The following DSCAML1 variants were observed in gnomAD, a reference collection of about 807,000 sequenced individuals.
The protein encoded by DSCAML1 is cell adhesion molecule DSCAML1.
DSCAML1 carries 38 observed loss-of-function variants against 200.5 expected under a neutral mutation model. The observed-to-expected ratio is 0.19, with a 90% CI of 0.15 to 0.25. DSCAML1 has a LOEUF of 0.25. Among genes scored for constraint, DSCAML1 ranks in the 10% least tolerant of loss-of-function variants. The pLI, the probability that DSCAML1 is intolerant of heterozygous loss-of-function variation, is 1.00. For missense variants in DSCAML1, 2,223 were observed against 2,858.8 expected (o/e 0.78, Z 5.07); for synonymous variants, 1,215 against 1,165.0 (o/e 1.04, Z -0.87).
Position 117,650,701 on chromosome 11 carries a change from G to GTGTGCGCA in DSCAML1, c.512-118180_512-118179insTGCGCACA, listed in dbSNP as rs1555194676. Reference sequence around the variant, plus strand: ...TGTGTGTGTGTGTGTGTGTGTGTGTGCGTGTGTGTGTGTGGTGGGGATTGG... The same window carrying GTGTGCGCA: ...TGTGTGTGTGTGTGTGTGTGTGTGTGTGTGCGCACGTGTGTGTGTGTGGTGGGGATTGG... On this transcript the variant is annotated intron_variant, in intron 3 of 32. Transcript: ENST00000651296. Among the ~76,000 whole-genome samples, 3 of 81,000 alleles carry GTGTGCGCA rather than the reference G, an allele frequency of 3.7e-5. No individual in the cohort carries two copies. The East Asian group carries it at 6.9e-4, about 19-fold the overall frequency. 53.1% of individuals were successfully genotyped at this position (81,000 alleles called of 152,430 possible). A position where few individuals can be genotyped will look rare whatever the true frequency, so the allele number is the denominator to read the frequency against.
Position 117,622,244 on chromosome 11 carries a change from C to T in DSCAML1, c.512-89722G>A, listed in dbSNP as rs190371604. Among the ~76,000 whole-genome samples the T allele has an allele frequency of 7.2e-5, 11 of 152,270 alleles. No homozygotes were observed. In the East Asian group the frequency reaches 1.2e-3, roughly 16 times the overall value. On this transcript the variant is annotated intron_variant, in intron 3 of 32. Transcript: ENST00000651296. ...GGAAGCTCTGCAGACATGAATGAGG[C>T]GGCTTTGTGCTGTACCCTGCTTCAC...
At chr11:117,486,540 C>T (rs2049070787) in intron 11 of DSCAML1, among the ~76,000 whole-genome samples, 1 of 152,212 alleles carries the variant, frequency 6.6e-6, no homozygotes, top group African/African-American at 2.4e-5. Flanking sequence ...AGACCTGGTG[C>T]AGTAAGATGG....
intron 3 of DSCAML1, among the ~76,000 whole-genome samples, chr11:117,540,518 C>A (rs1022229754): frequency 6.8e-6 from 1 of 146,174 alleles, no homozygotes; most frequent in South Asian, 2.5e-4. Context: ...CTGAACTTAA[C>A]CCTTAAAAAT....
intron 5 of DSCAML1, among the ~76,000 whole-genome samples, chr11:117,524,075 A>G (rs1474863542): frequency 2.6e-5 from 4 of 152,174 alleles, no homozygotes; most frequent in Non-Finnish European, 5.9e-5. Context: ...TGGGCCTCAC[A>G]AATCCGCATC....
upstream of DSCAML1, among the ~76,000 whole-genome samples, chr11:117,799,874 T>C (rs1372969101): frequency 1.3e-5 from 2 of 152,228 alleles, no homozygotes; most frequent in African/African-American, 4.8e-5. Flanking sequence ...GGGAACAGCT[T>C]TGCTCACAAG....
intron 3 of DSCAML1, among the ~76,000 whole-genome samples, chr11:117,707,626 C>T (rs1333523067): frequency 1.3e-4 from 20 of 152,104 alleles, no homozygotes; most frequent in African/African-American, 2.7e-4. Flanking sequence ...CTCTGCCTTC[C>T]GGGTTCAAGC....
At chr11:117,732,801 C>T (rs542478638) in intron 3 of DSCAML1, among the ~76,000 whole-genome samples, 160 of 151,682 alleles carry the variant, frequency 1.1e-3, no homozygotes, top group Middle Eastern at 3.4e-3. Context: ...TTATTATTAT[C>T]ATTATTATTA....
At chr11:117,727,348 C>T (rs865775072) in intron 3 of DSCAML1, among the ~76,000 whole-genome samples, 5 of 152,148 alleles carry the variant, frequency 3.3e-5, no homozygotes, top group Middle Eastern at 3.2e-3. Context: ...GTAGGTACTG[C>T]CCAGGGGCTG....
rs1171709267 is a variant in DSCAML1 at position 117,463,784 on chromosome 11, C to T, written c.3265+1158G>A. ...CTCCCCTCTTCTCAGGTGCTCAGTGCTCTGGGGCTATTGAAGTCGGCCCCA... is the reference window on the plus strand; with the variant it reads ...CTCCCCTCTTCTCAGGTGCTCAGTGTTCTGGGGCTATTGAAGTCGGCCCCA... On this transcript the variant is annotated intron_variant, in intron 17 of 32. Transcript: ENST00000651296. This position sits in a 1 kb window ranked among gnomAD's most constrained non-coding sequence, Gnocchi z 4.0. Among the ~76,000 whole-genome samples, 1 of 152,200 alleles carries T rather than the reference C, an allele frequency of 6.6e-6. No individual in the cohort carries two copies. Among genetic ancestry groups the T allele is most frequent in the African/African-American group, 2.4e-5 (1 of 41,440 alleles).
intron 3 of DSCAML1, among the ~76,000 whole-genome samples, chr11:117,672,105 A>AAAAAAAG (rs2053122899): frequency 4.2e-5 from 1 of 24,014 alleles, no homozygotes; most frequent in Non-Finnish European, 2.1e-4. Flanking sequence ...CAGCTCAGAA[A>AAAAAAAG]AAAAAAAAAA....
At chr11:117,635,858 G>A (rs550655633) in intron 3 of DSCAML1, among the ~76,000 whole-genome samples, 29 of 152,214 alleles carry the variant, frequency 1.9e-4, no homozygotes, top group African/African-American at 6.3e-4. Flanking sequence ...GGTTACAATC[G>A]TGGATATCTA....
At chr11:117,741,930 T>C (rs2054429348) in intron 3 of DSCAML1, among the ~76,000 whole-genome samples, 1 of 152,206 alleles carries the variant, frequency 6.6e-6, no homozygotes, top group South Asian at 2.1e-4. Context: ...AATTGGACCC[T>C]GGTGGCCAGC....
At position 117,777,779 on chromosome 11, in the gene DSCAML1, G is replaced by A. The variant is rs138307719; in HGVS notation, c.365-842C>T. Among the ~76,000 whole-genome samples the A allele has an allele frequency of 1.7e-3, 253 of 151,890 alleles. 6 individuals are homozygous for A. The East Asian group carries it at 0.031, about 18-fold the overall frequency. On this transcript the variant is annotated intron_variant, in intron 2 of 32. Coordinates refer to ENST00000651296, the MANE Select transcript of DSCAML1 (RefSeq NM_020693.4). ...TTCTAGGGCATTGCCAACTGCAGCC[G>A]CTGTATGTGTCTGGCCCTACAGGCA...
intron 3 of DSCAML1, among the ~76,000 whole-genome samples, chr11:117,717,164 G>A (rs757745297): frequency 7.9e-5 from 12 of 152,298 alleles, no homozygotes; most frequent in East Asian, 5.8e-4. Context: ...GTGCCACGCC[G>A]AAGATGGTCG....
intron 3 of DSCAML1, chr11:117,709,727 C>A (rs1338439679): frequency 2.2e-6 from 1 of 454,874 alleles, no homozygotes; most frequent in Non-Finnish European, 4.4e-6. Context: ...TCAGGGGAAG[C>A]CAATAAGGCA....
rs533836433 is a variant in DSCAML1 at position 117,739,235 on chromosome 11, C to T, written c.511+37556G>A. Among the ~76,000 whole-genome samples the T allele has an allele frequency of 2.0e-5, 3 of 152,318 alleles. No homozygotes were observed. The South Asian group carries it at 6.2e-4, about 32-fold the overall frequency. The stretch of plus-strand genomic sequence containing the variant: ...ACTCCTGGTCTCCTGACTCCCACTG[C>T]ACAGGCTACCATGAAAGATTTCCTA... On this transcript the variant is annotated intron_variant, in intron 3 of 32. Transcript: ENST00000651296.
intron 3 of DSCAML1, among the ~76,000 whole-genome samples, chr11:117,718,679 C>CT (rs1156916732): frequency 8.3e-5 from 8 of 96,106 alleles, no homozygotes; most frequent in African/African-American, 3.0e-4. Context: ...CCCCCCCCCC[C>CT]CCCCATCATA....
At chr11:117,477,981 A>G (rs971939159) in intron 14 of DSCAML1, among the ~76,000 whole-genome samples, 2 of 152,274 alleles carry the variant, frequency 1.3e-5, no homozygotes, top group South Asian at 2.1e-4. Flanking sequence ...AGCTTTCATT[A>G]TCTCTCCCTC....
chr11:117,548,763 C>T (rs1409099634), intron 3 of DSCAML1, among the ~76,000 whole-genome samples: 1 of 152,144 alleles, frequency 6.6e-6, no homozygotes, highest in Non-Finnish European at 1.5e-5. Context: ...GCCAGCTTTA[C>T]AGCTGTGTGA....
Sources: allele counts gnomAD v4.1 joint callset (sites outside exome capture counted in the v4.1 genomes callset), GRCh38; gene constraint gnomAD v4.1.1; non-coding constraint Gnocchi (gnomAD v3.1); transcripts MANE v1.5; gene names NCBI Gene and HGNC (gene_info 2026-07-23, HGNC 2026-07-21).